The following DSCAM variants were observed in gnomAD, a reference collection of about 807,000 sequenced individuals.
The protein encoded by DSCAM is cell adhesion molecule DSCAM.
Under a neutral mutation model 217.7 loss-of-function variants are expected in DSCAM, and 47 were observed. That is an observed-to-expected ratio of 0.22 (90% CI 0.17 to 0.28). DSCAM has a LOEUF of 0.28. DSCAM is among the 10% of genes least tolerant of loss of function. The pLI, the probability that DSCAM is intolerant of heterozygous loss-of-function variation, is 1.00. For missense variants in DSCAM, 2,080 were observed against 2,618.3 expected (o/e 0.79, Z 4.49); for synonymous variants, 1,056 against 1,015.3 (o/e 1.04, Z -0.76).
Position 40,603,145 on chromosome 21 carries a change from T to G in DSCAM, c.508+89665A>C, listed in dbSNP as rs916403208. The stretch of plus-strand genomic sequence containing the variant: ...GAGATTTGCAGCTGTCTTTATGTTA[T>G]TAAATTTAATTCCATTGAAGTTTAA... On this transcript the variant is annotated intron_variant, in intron 3 of 32. Coordinates refer to ENST00000400454, the MANE Select transcript of DSCAM (RefSeq NM_001389.5). Among the ~76,000 whole-genome samples, 4 of 152,312 alleles carry G rather than the reference T, an allele frequency of 2.6e-5. No homozygotes were observed. The East Asian group carries it at 7.7e-4, about 29-fold the overall frequency.
At chr21:40,086,445 C>A (rs1041107819) in intron 22 of DSCAM, among the ~76,000 whole-genome samples, 1 of 152,148 alleles carries the variant, frequency 6.6e-6, no homozygotes, top group Non-Finnish European at 1.5e-5. Context: ...ATTATTTCTA[C>A]AGTTTGGTCA....
chr21:40,368,304 T>C (rs2074855676), intron 4 of DSCAM, among the ~76,000 whole-genome samples: 1 of 152,200 alleles, frequency 6.6e-6, no homozygotes, highest in African/African-American at 2.4e-5. Context: ...ACTAAGATGA[T>C]AGTTATTATT....
intron 16 of DSCAM, among the ~76,000 whole-genome samples, chr21:40,152,114 T>C (rs2090428612): frequency 8.6e-6 from 1 of 116,328 alleles, no homozygotes. Flanking sequence ...CGTAAGCATA[T>C]GGAAAAAAAA....
At chr21:40,718,765 C>A (rs2090870515) in intron 1 of DSCAM, among the ~76,000 whole-genome samples, 1 of 152,126 alleles carries the variant, frequency 6.6e-6, no homozygotes, top group Admixed American at 6.5e-5. Flanking sequence ...AAATATCTGA[C>A]AAAAGATTTG....
chr21:40,504,255 C>T (rs2076193222), intron 3 of DSCAM, among the ~76,000 whole-genome samples: 1 of 152,138 alleles, frequency 6.6e-6, no homozygotes, highest in East Asian at 1.9e-4. Flanking sequence ...TTGTTTATCA[C>T]TCAATAACAC....
At chr21:40,232,907 C>G (rs1360876863) in intron 11 of DSCAM, among the ~76,000 whole-genome samples, 1 of 151,852 alleles carries the variant, frequency 6.6e-6, no homozygotes, top group African/African-American at 2.4e-5. Context: ...CAGAACAGTT[C>G]TGTTAGATAA....
chr21:40,628,622 C>T (rs142576644), intron 3 of DSCAM, among the ~76,000 whole-genome samples: 5 of 152,254 alleles, frequency 3.3e-5, no homozygotes, highest in African/African-American at 9.6e-5. Flanking sequence ...TGTTACTCTA[C>T]AGAAAAAGTT....
intron 3 of DSCAM, among the ~76,000 whole-genome samples, chr21:40,498,408 A>G (rs1348445869): frequency 6.6e-6 from 1 of 151,824 alleles, no homozygotes; most frequent in Non-Finnish European, 1.5e-5. Context: ...TGGCTGGCCC[A>G]TGGGCTTCCC....
intron 11 of DSCAM, among the ~76,000 whole-genome samples, chr21:40,216,943 A>G (rs773601508): frequency 1.3e-5 from 2 of 152,250 alleles, no homozygotes; most frequent in Non-Finnish European, 1.5e-5. Flanking sequence ...CCCTAAGTAG[A>G]AAACAAAGAT....
chr21:40,119,162 G>T (rs1038414327), intron 20 of DSCAM, among the ~76,000 whole-genome samples: 1 of 152,160 alleles, frequency 6.6e-6, no homozygotes, highest in Non-Finnish European at 1.5e-5. Context: ...GAGGTTTCAG[G>T]CCTGTTTGTG....
At chr21:40,579,274 C>CA (rs35181324) in intron 3 of DSCAM, among the ~76,000 whole-genome samples, 68,063 of 148,994 alleles carry the variant, frequency 0.46, 16,067 homozygotes, top group Admixed American at 0.55. Context: ...AAAGCAGATC[C>CA]AAAAAAAAAC....
chr21:40,537,276 A>G (rs2076506582), intron 3 of DSCAM, among the ~76,000 whole-genome samples: 1 of 152,210 alleles, frequency 6.6e-6, no homozygotes. Context: ...TGTGGTGAGG[A>G]AGGGAGGTAG....
chr21:40,078,733 G>A lies in DSCAM; in HGVS notation c.4665C>T (p.Gly1555=). ...ELQMRVCNSA[G]CAEKQANFAT... ...CGAAGTTGGCCTGCTTCTCCGCGCA[G>A]CCCGCACTGTTGCACACCCGCATCT... The change falls in exon 26 of 33, where the codon GGC becomes GGT. Residue 1555 remains glycine (G), a synonymous_variant. Transcript: ENST00000400454. 6.2e-7 allele frequency: 1 copy of A among 1,614,234 alleles called. No homozygotes were observed. The highest frequency in any genetic ancestry group is 8.5e-7 in the Non-Finnish European group (1 of 1,180,044).
chr21:40,095,538 T>C (rs1195181906), intron 20 of DSCAM, among the ~76,000 whole-genome samples: 1 of 152,024 alleles, frequency 6.6e-6, no homozygotes, highest in African/African-American at 2.4e-5. Flanking sequence ...AGGGGCAGGG[T>C]AGGGGAAGGG....
chr21:40,341,629 C>T (rs1313717453), intron 6 of DSCAM, among the ~76,000 whole-genome samples: 4 of 152,178 alleles, frequency 2.6e-5, no homozygotes, highest in Non-Finnish European at 4.4e-5. Flanking sequence ...TGCTCTGATT[C>T]CTCTTAGGAT....
chr21:40,715,380 G>T (rs947067797), intron 1 of DSCAM, among the ~76,000 whole-genome samples: 1 of 152,146 alleles, frequency 6.6e-6, no homozygotes, highest in African/African-American at 2.4e-5. Context: ...CCAAGAGTTT[G>T]GCCTCCAGGG....
At chr21:40,149,096 TCAC>T (rs770190615) in intron 16 of DSCAM, among the ~76,000 whole-genome samples, 8 of 151,830 alleles carry the variant, frequency 5.3e-5, no homozygotes, top group Non-Finnish European at 1.2e-4. Context: ...AACACAACTA[TCAC>T]CACAACCATC....
intron 3 of DSCAM, among the ~76,000 whole-genome samples, chr21:40,560,900 C>A (rs1250515604): frequency 6.6e-6 from 1 of 152,154 alleles, no homozygotes; most frequent in African/African-American, 2.4e-5. Flanking sequence ...CACTTTCACA[C>A]CACGGTAAAG....
At chr21:40,249,102 T>C (rs1251221320) in intron 11 of DSCAM, among the ~76,000 whole-genome samples, 1 of 152,212 alleles carries the variant, frequency 6.6e-6, no homozygotes, top group East Asian at 1.9e-4. Flanking sequence ...AGTAGAGATT[T>C]GGATGGGGGC....
Sources: allele counts gnomAD v4.1 joint callset (sites outside exome capture counted in the v4.1 genomes callset), GRCh38; gene constraint gnomAD v4.1.1; transcripts MANE v1.5; gene names NCBI Gene and HGNC (gene_info 2026-07-23, HGNC 2026-07-21).